Variants in CYRIB observed in about 807,000 individuals in gnomAD.
CYRIB encodes the protein CYFIP-related Rac1 interactor B.
A neutral mutation model predicts 44.2 loss-of-function variants in CYRIB; 8 were observed. That is an observed-to-expected ratio of 0.18 (90% CI 0.11 to 0.33). The LOEUF is 0.33. Among genes scored for constraint, CYRIB ranks in the 10% least tolerant of loss-of-function variants. CYRIB has a pLI of 1.00. For missense variants in CYRIB, 185 were observed against 382.8 expected, an observed-to-expected ratio of 0.48 and a Z score of 4.31; for synonymous variants, 131 against 127.2, an observed-to-expected ratio of 1.03 and a Z score of -0.20.
At position 129,885,681 on chromosome 8, in the gene CYRIB, A is replaced by G. The variant is rs184539909; in HGVS notation, c.-10-6210T>C. 5.9e-5 allele frequency among the ~76,000 whole-genome samples: 9 copies of G among 152,224 alleles called. No individual in the cohort carries two copies. The East Asian group carries it at 1.7e-3, about 29-fold the overall frequency. ...CTCCAGACACTGTCAAATGTCCCCTAGGAGGCAAAACTGCCTGTTGTTGAA... is the reference window on the plus strand; with the variant it reads ...CTCCAGACACTGTCAAATGTCCCCTGGGAGGCAAAACTGCCTGTTGTTGAA... On this transcript the variant is annotated intron_variant, in intron 2 of 11. Transcript: ENST00000519824.
chr8:129,992,623 A>C (rs1009338474), intron 1 of CYRIB, among the ~76,000 whole-genome samples: 1 of 152,226 alleles, frequency 6.6e-6, no homozygotes, highest in African/African-American at 2.4e-5. Flanking sequence ...CAGTCTTTCC[A>C]GAGAAGCATT....
intron 1 of CYRIB, among the ~76,000 whole-genome samples, chr8:129,989,819 G>A (rs573263991): frequency 7.6e-5 from 8 of 105,448 alleles, no homozygotes; most frequent in South Asian, 3.0e-4. Context: ...GACAGGCCCC[G>A]GTGTGTGATG....
Position 129,899,810 on chromosome 8 carries a change from C to T in CYRIB, c.-11+3502G>A, listed in dbSNP as rs561063482. Among the ~76,000 whole-genome samples the T allele has an allele frequency of 7.9e-5, 12 of 152,326 alleles. No homozygotes were observed. In the South Asian group the frequency reaches 2.5e-3, roughly 32 times the overall value. On this transcript the variant is annotated intron_variant, in intron 2 of 11. Transcript: ENST00000519824. The stretch of plus-strand genomic sequence containing the variant: ...AGGGTGACACCAGTTGGAGGCTGAA[C>T]AGGCAGTTGCTGGGCAGATGTCCTT...
chr8:129,892,614 T>C (rs1050329834), intron 2 of CYRIB, among the ~76,000 whole-genome samples: 1 of 152,032 alleles, frequency 6.6e-6, no homozygotes, highest in Non-Finnish European at 1.5e-5. Flanking sequence ...CATTTCATTA[T>C]ATATTTCAAA....
chr8:129,957,976 A>AAG (rs1310951622), intron 2 of CYRIB, among the ~76,000 whole-genome samples: 1 of 151,140 alleles, frequency 6.6e-6, no homozygotes, highest in Non-Finnish European at 1.5e-5. Flanking sequence ...AAAAAAAAAA[A>AAG]AAAAATACAA....
intron 1 of CYRIB, among the ~76,000 whole-genome samples, chr8:129,935,102 G>C (rs1170679122): frequency 2.6e-5 from 4 of 152,288 alleles, no homozygotes; most frequent in Middle Eastern, 3.4e-3. Context: ...ACGAGAAATA[G>C]AGTGATCCTC....
chr8:129,941,146 A>T (rs2093663727), upstream of CYRIB, among the ~76,000 whole-genome samples: 1 of 152,146 alleles, frequency 6.6e-6, no homozygotes, highest in Admixed American at 6.6e-5. Flanking sequence ...GGCTTTTTCA[A>T]GGCACACACT....
intron 1 of CYRIB, among the ~76,000 whole-genome samples, chr8:129,907,831 A>C (rs551812101): frequency 6.9e-4 from 105 of 152,178 alleles, no homozygotes; most frequent in African/African-American, 2.4e-3. Context: ...GCGAAACCCC[A>C]TCTCTACTAA....
intron 1 of CYRIB, among the ~76,000 whole-genome samples, chr8:129,930,379 A>ATATATATATATATATATATTTTTTTTT (rs971468534): frequency 7.7e-6 from 1 of 130,136 alleles, no homozygotes; most frequent in African/African-American, 2.8e-5. Flanking sequence ...ATATATATAT[A>ATATATATATATATATATATTTTTTTTT]TTTTAATTAT....
chr8:129,939,263 A>T (rs532704483), intron 1 of CYRIB, among the ~76,000 whole-genome samples: 1 of 149,938 alleles, frequency 6.7e-6, no homozygotes, highest in South Asian at 2.1e-4. Flanking sequence ...CAACGCCGAC[A>T]CGGGAAGGGA....
chr8:129,976,755 G>C (rs1028552778), intron 1 of CYRIB, among the ~76,000 whole-genome samples: 1 of 151,730 alleles, frequency 6.6e-6, no homozygotes, highest in East Asian at 1.9e-4. Context: ...CCAAACATTT[G>C]TTTGAAAAAA....
chr8:129,895,818 T>A (rs2067765200), intron 2 of CYRIB, among the ~76,000 whole-genome samples: 2 of 152,180 alleles, frequency 1.3e-5, no homozygotes, highest in African/African-American at 4.8e-5. Flanking sequence ...ACCTCCTACC[T>A]CAGCCTCCCA....
intron 2 of CYRIB, among the ~76,000 whole-genome samples, chr8:129,958,195 T>G (rs1262674279): frequency 6.6e-6 from 1 of 152,056 alleles, no homozygotes; most frequent in Non-Finnish European, 1.5e-5. Context: ...GATAAAATTG[T>G]ATCTGCTGGG....
chr8:129,857,475 G>A (rs1386581959), intron 5 of CYRIB, among the ~76,000 whole-genome samples: 2 of 152,146 alleles, frequency 1.3e-5, no homozygotes, highest in Non-Finnish European at 2.9e-5. Context: ...GAGCACAGAG[G>A]GCAAGGAGGA....
intron 1 of CYRIB, 124 bp from the exon 4 acceptor site, chr8:129,903,474 A>C (rs2073443076): frequency 6.6e-6 from 1 of 152,380 alleles, no homozygotes; most frequent in Non-Finnish European, 1.5e-5. Flanking sequence ...TTATACATAC[A>C]CACATATATT....
intron 1 of CYRIB, among the ~76,000 whole-genome samples, chr8:129,908,205 G>C (rs1351327499): frequency 6.6e-6 from 1 of 151,944 alleles, no homozygotes; most frequent in Non-Finnish European, 1.5e-5. Context: ...ATGGAAAGAT[G>C]AATCAATCAT....
chr8:129,877,233 T>C (rs141158191), intron 3 of CYRIB, among the ~76,000 whole-genome samples: 2,932 of 152,316 alleles, frequency 0.019, 45 homozygotes, highest in Non-Finnish European at 0.028. Flanking sequence ...AACCAGAAGA[T>C]CTACATTGGC....
chr8:129,839,692 T>C (rs117458905), exon 12 of CYRIB: 1 of 152,342 alleles, frequency 6.6e-6, no homozygotes, highest in Non-Finnish European at 1.5e-5. Flanking sequence ...ATTCAACCTT[T>C]TTAAAAACCA....
intron 1 of CYRIB, among the ~76,000 whole-genome samples, chr8:129,926,226 G>A (rs1158133182): frequency 2.0e-5 from 3 of 152,088 alleles, no homozygotes; most frequent in Non-Finnish European, 2.9e-5. Flanking sequence ...ACTCAGCCAC[G>A]GTTAACACTG....
Sources: gnomAD v4.1 joint callset for allele counts (sites outside exome capture counted in the v4.1 genomes callset) on GRCh38, gnomAD v4.1.1 for gene constraint, MANE v1.5 for transcripts, NCBI Gene and HGNC (gene_info 2026-07-23, HGNC 2026-07-21) for gene names.